HS3ST5: variants seen among roughly 807,000 people sequenced by gnomAD.
The protein encoded by HS3ST5 is heparan sulfate-glucosamine 3-sulfotransferase 5.
In HS3ST5, 10 loss-of-function variants were observed where a neutral mutation model predicts 25.4. That is an observed-to-expected ratio of 0.39 (90% CI 0.24 to 0.67). HS3ST5 has a LOEUF of 0.67. Ranked by LOEUF, HS3ST5 falls within the 30% of genes least tolerant of loss-of-function variation. The pLI is 0.44. For synonymous variants in HS3ST5, 170 were observed against 162.4 expected, an observed-to-expected ratio of 1.05 and a Z score of -0.36; for missense variants, 324 against 420.7, an observed-to-expected ratio of 0.77 and a Z score of 2.01.
chr6:114,138,188 A>C (rs73767013), intron 3 of HS3ST5, among the ~76,000 whole-genome samples: 111 of 152,354 alleles, frequency 7.3e-4, no homozygotes, highest in African/African-American at 2.6e-3. Flanking sequence ...ACAAGTACTT[A>C]TTGAACATCT....
rs1316739666 is a variant in HS3ST5 at position 114,084,582 on chromosome 6, G to GTCCACATAGTGC, written c.-32-21717_-32-21706dup. On this transcript the variant is annotated intron_variant, in intron 3 of 4. Coordinates refer to ENST00000312719, the MANE Select transcript of HS3ST5 (RefSeq NM_153612.4). ...CCTCGTTGTTGCACGGGATGGCAAA[G>GTCCACATAGTGC]TCCACATAGTGCAGAGGAGAATTGT... The GTCCACATAGTGC allele has an allele frequency of 2.3e-5, 18 of 768,344 alleles. No homozygotes were observed. The East Asian group carries it at 4.1e-4, about 18-fold the overall frequency. 47.6% of individuals were successfully genotyped at this position (768,344 alleles called of 1,614,324 possible).
chr6:114,337,838 T>C (rs991861395), intron 1 of HS3ST5, among the ~76,000 whole-genome samples: 4 of 152,164 alleles, frequency 2.6e-5, no homozygotes, highest in African/African-American at 9.6e-5. Flanking sequence ...ATGCCAATTC[T>C]GCCATATAGT....
At chr6:114,140,882 T>A (rs772752484) in intron 3 of HS3ST5, among the ~76,000 whole-genome samples, 1 of 152,246 alleles carries the variant, frequency 6.6e-6, no homozygotes, top group Non-Finnish European at 1.5e-5. Flanking sequence ...TAGCAAGTTA[T>A]TTTATTTCTT....
intron 2 of HS3ST5, among the ~76,000 whole-genome samples, chr6:114,208,617 G>A (rs1781380898): frequency 6.6e-6 from 1 of 152,160 alleles, no homozygotes; most frequent in African/African-American, 2.4e-5. Context: ...CTTTCAAATT[G>A]CCGTGTTGAC....
At chr6:114,341,220 GGGGAGA>G (rs1185545536) in intron 1 of HS3ST5, among the ~76,000 whole-genome samples, 14 of 33,376 alleles carry the variant, frequency 4.2e-4, no homozygotes, top group African/African-American at 2.1e-3. Flanking sequence ...AGGGAGAGAG[GGGGAGA>G]GAGAGAGAGA....
intron 1 of HS3ST5, among the ~76,000 whole-genome samples, chr6:114,335,750 G>A (rs1481925630): frequency 6.6e-6 from 1 of 151,826 alleles, no homozygotes; most frequent in Non-Finnish European, 1.5e-5. Context: ...CATTTCCCGG[G>A]TTCAAGAGAT....
chr6:114,081,783 G>T (rs1774463648), intron 3 of HS3ST5, among the ~76,000 whole-genome samples: 1 of 152,076 alleles, frequency 6.6e-6, no homozygotes, highest in South Asian at 2.1e-4. Context: ...TGCTGTTTTA[G>T]ATAATATTTG....
At chr6:114,197,462 T>C (rs1052677150) in intron 2 of HS3ST5, among the ~76,000 whole-genome samples, 1 of 152,158 alleles carries the variant, frequency 6.6e-6, no homozygotes, top group African/African-American at 2.4e-5. Flanking sequence ...AAAAATCTCA[T>C]TGTATATATA....
At chr6:114,223,688 T>C (rs1562243683) in intron 2 of HS3ST5, among the ~76,000 whole-genome samples, 2 of 151,762 alleles carry the variant, frequency 1.3e-5, no homozygotes, top group Non-Finnish European at 3.0e-5. Context: ...GGAAGCTTGC[T>C]TGCTTTCTTT....
chr6:114,232,515 T>C (rs1164968370), intron 1 of HS3ST5, among the ~76,000 whole-genome samples: 1 of 152,172 alleles, frequency 6.6e-6, no homozygotes, highest in Non-Finnish European at 1.5e-5. Context: ...AATTGAATAG[T>C]TGACATGTGA....
At chr6:114,125,261 A>G (rs978602083) in intron 3 of HS3ST5, among the ~76,000 whole-genome samples, 19 of 152,246 alleles carry the variant, frequency 1.2e-4, no homozygotes, top group Non-Finnish European at 1.3e-4. Context: ...GGAAAAGCAT[A>G]TACAACTTAA....
chr6:114,191,336 A>G (rs1286619709), intron 2 of HS3ST5, among the ~76,000 whole-genome samples: 1 of 152,238 alleles, frequency 6.6e-6, no homozygotes, highest in Non-Finnish European at 1.5e-5. Context: ...CTTATTGGCT[A>G]TTAACACAAT....
intron 2 of HS3ST5, among the ~76,000 whole-genome samples, chr6:114,221,276 C>A (rs965788757): frequency 3.3e-5 from 5 of 151,650 alleles, no homozygotes; most frequent in African/African-American, 1.2e-4. Context: ...CTATAATTAC[C>A]TACATTTTTA....
intron 1 of HS3ST5, among the ~76,000 whole-genome samples, chr6:114,275,134 A>T (rs1773794127): frequency 6.6e-6 from 1 of 150,540 alleles, no homozygotes; most frequent in Non-Finnish European, 1.5e-5. Flanking sequence ...ATTCTTTATG[A>T]CTCAATATTC....
intron 2 of HS3ST5, among the ~76,000 whole-genome samples, chr6:114,216,300 C>T (rs1421697855): frequency 6.6e-6 from 1 of 152,212 alleles, no homozygotes; most frequent in East Asian, 1.9e-4. Flanking sequence ...AGTCTCTTCT[C>T]AGCAATCTGG....
intron 2 of HS3ST5, among the ~76,000 whole-genome samples, chr6:114,172,844 G>A (rs2115006781): frequency 6.6e-6 from 1 of 152,282 alleles, no homozygotes; most frequent in Admixed American, 6.5e-5. Context: ...AGAAGTGCTA[G>A]TAAGTCTGAA....
chr6:114,316,881 G>A (rs993576659), intron 1 of HS3ST5, among the ~76,000 whole-genome samples: 3 of 151,820 alleles, frequency 2.0e-5, no homozygotes, highest in Non-Finnish European at 2.9e-5. Context: ...TCTGAAAGAG[G>A]TGAGCTGTGA....
rs148732811 is a variant in HS3ST5 at position 114,264,499 on chromosome 6, A to G, written c.-338-35721T>C. Reference sequence around the variant, plus strand: ...TTTCATCTTCATCTTGCCCAGTGAAATTTAGTTTTGATTTTTGATTATGAG... The same window carrying G: ...TTTCATCTTCATCTTGCCCAGTGAAGTTTAGTTTTGATTTTTGATTATGAG... On this transcript the variant is annotated intron_variant, in intron 1 of 4. Coordinates refer to ENST00000312719, the MANE Select transcript of HS3ST5 (RefSeq NM_153612.4). Among the ~76,000 whole-genome samples the G allele has an allele frequency of 4.2e-4, 64 of 151,732 alleles. 1 individual carries two copies. The highest frequency in any genetic ancestry group is 1.4e-3 in the African/African-American group (60 of 41,426).
intron 2 of HS3ST5, among the ~76,000 whole-genome samples, chr6:114,220,295 C>T (rs1781969698): frequency 6.6e-6 from 1 of 151,862 alleles, no homozygotes; most frequent in Admixed American, 6.6e-5. Context: ...ACTGATGTTG[C>T]TTTAATTATT....
Sources: gnomAD v4.1 joint callset for allele counts (sites outside exome capture counted in the v4.1 genomes callset) on GRCh38, gnomAD v4.1.1 for gene constraint, MANE v1.5 for transcripts, NCBI Gene and HGNC (gene_info 2026-07-23, HGNC 2026-07-21) for gene names.